LDLRAD4: variants seen among roughly 807,000 people sequenced by gnomAD.
LDLRAD4 encodes low-density lipoprotein receptor class A domain-containing protein 4.
Under a neutral mutation model 17.0 loss-of-function variants are expected in LDLRAD4, and 5 were observed. The ratio of observed to expected loss-of-function variants is 0.29; its 90% CI spans 0.15 to 0.62. The LOEUF is 0.62. Ranked by LOEUF, LDLRAD4 falls within the 20% of genes least tolerant of loss-of-function variation. The pLI, the probability that LDLRAD4 is intolerant of heterozygous loss-of-function variation, is 0.84. For synonymous variants in LDLRAD4, 168 were observed against 171.8 expected, an observed-to-expected ratio of 0.98 and a Z score of 0.17; for missense variants, 340 against 424.7, an observed-to-expected ratio of 0.80 and a Z score of 1.75.
chr18:13,263,424 A>C (rs952588157), intron 1 of LDLRAD4, among the ~76,000 whole-genome samples: 5 of 152,146 alleles, frequency 3.3e-5, no homozygotes, highest in African/African-American at 1.2e-4. Flanking sequence ...CATCTCAGGG[A>C]TCCTCAGGGC....
intron 1 of LDLRAD4, among the ~76,000 whole-genome samples, chr18:13,271,577 G>T (rs2044545619): frequency 6.6e-6 from 1 of 152,198 alleles, no homozygotes; most frequent in Non-Finnish European, 1.5e-5. Flanking sequence ...ATCTGACACA[G>T]GGCCTGGCAT....
intron 2 of LDLRAD4, among the ~76,000 whole-genome samples, chr18:13,391,276 T>C (rs1308358552): frequency 6.6e-6 from 1 of 152,124 alleles, no homozygotes; most frequent in African/African-American, 2.4e-5. Context: ...AATTCCTCTT[T>C]AAGAGGGTTT....
At chr18:13,493,811 G>A (rs1381783381) in intron 3 of LDLRAD4, among the ~76,000 whole-genome samples, 5 of 152,214 alleles carry the variant, frequency 3.3e-5, no homozygotes. Context: ...GGCGGTCAAA[G>A]CCCAGCCGTG....
At chr18:13,389,617 C>T (rs1225652368) in intron 2 of LDLRAD4, among the ~76,000 whole-genome samples, 3 of 152,206 alleles carry the variant, frequency 2.0e-5, no homozygotes, top group Non-Finnish European at 2.9e-5. Context: ...GCTGCCCTGA[C>T]CATGGACCTG....
chr18:13,340,276 G>T (rs192066179), intron 1 of LDLRAD4, among the ~76,000 whole-genome samples: 1 of 152,228 alleles, frequency 6.6e-6, no homozygotes, highest in African/African-American at 2.4e-5. Context: ...TTCTTTTGAG[G>T]ATAGCTCCAG....
chr18:13,460,904 G>C (rs562734325), intron 3 of LDLRAD4: 1 of 152,290 alleles, frequency 6.6e-6, no homozygotes, highest in Non-Finnish European at 1.5e-5. Flanking sequence ...AGCCCACTGG[G>C]GTGTAGTAGG....
chr18:13,513,463 A>C (rs1279578401), intron 3 of LDLRAD4, among the ~76,000 whole-genome samples: 4 of 152,226 alleles, frequency 2.6e-5, no homozygotes, highest in African/African-American at 9.6e-5. Flanking sequence ...AGAAGTTATT[A>C]AATTACATGT....
rs755788736 is a variant in LDLRAD4 at position 13,645,164 on chromosome 18, C to T, written c.428C>T (p.Ala143Val). 9.9e-6 allele frequency: 16 copies of T among 1,613,700 alleles called. No homozygotes were observed. The highest frequency in any genetic ancestry group is 2.2e-5 in the South Asian group (2 of 91,058). The change falls in exon 6 of 6, where the codon GCG becomes GTG. Residue 143 changes from alanine to valine, a missense_variant. Coordinates refer to ENST00000359446, the Ensembl canonical transcript of LDLRAD4. This position sits in a 1 kb window ranked among gnomAD's most constrained non-coding sequence, Gnocchi z 5.7. ...CCGCGGTCCAGGGACAGGTTCACAG[C>T]GCCGTCCTTCATCCAGAGGGATCGC...
intron 2 of LDLRAD4, among the ~76,000 whole-genome samples, chr18:13,388,821 C>T (rs920774622): frequency 2.6e-5 from 4 of 152,232 alleles, no homozygotes; most frequent in African/African-American, 9.6e-5. Flanking sequence ...CAACCTCGGC[C>T]GCTTCCGTGC....
chr18:13,592,268 CA>C (rs2095039349), intron 3 of LDLRAD4, among the ~76,000 whole-genome samples: 2 of 152,172 alleles, frequency 1.3e-5, no homozygotes, highest in African/African-American at 4.8e-5. Context: ...CATCATAACC[CA>C]ATATAAATAC....
chr18:13,349,807 C>T (rs1473622341), intron 1 of LDLRAD4, among the ~76,000 whole-genome samples: 2 of 152,084 alleles, frequency 1.3e-5, no homozygotes, highest in Admixed American at 6.6e-5. Context: ...CAACTGGCCC[C>T]AGTGTGTGTT....
In LDLRAD4 at chr18:13,220,958, C is replaced by T. The variant is rs370056688; in HGVS notation, c.-467+1970C>T. Reference sequence around the variant, plus strand: ...GGGAGGTGACTGCTCTACGTCATCACGTAAAACCAAAGCCACCTCAGGGCC... The same window carrying T: ...GGGAGGTGACTGCTCTACGTCATCATGTAAAACCAAAGCCACCTCAGGGCC... On this transcript the variant is annotated intron_variant, in intron 1 of 5. Coordinates refer to the LDLRAD4 transcript ENST00000399848. Among the ~76,000 whole-genome samples, 24 of 152,286 alleles carry T rather than the reference C, an allele frequency of 1.6e-4. No homozygotes were observed. In the South Asian group the frequency reaches 3.5e-3, roughly 22 times the overall value.
intron 1 of LDLRAD4, among the ~76,000 whole-genome samples, chr18:13,270,603 G>A (rs1049062009): frequency 6.6e-6 from 1 of 152,200 alleles, no homozygotes; most frequent in Non-Finnish European, 1.5e-5. Flanking sequence ...CAAAGTTTAT[G>A]CGTAGATGAT....
chr18:13,554,957 A>G (rs1014603897), intron 3 of LDLRAD4, among the ~76,000 whole-genome samples: 2 of 152,210 alleles, frequency 1.3e-5, no homozygotes, highest in African/African-American at 2.4e-5. Flanking sequence ...TTACAGTGCT[A>G]TAATGTGCCG....
intron 3 of LDLRAD4, among the ~76,000 whole-genome samples, chr18:13,506,907 G>C (rs2093702578): frequency 1.3e-5 from 2 of 152,202 alleles, no homozygotes; most frequent in Admixed American, 1.3e-4. Context: ...TGTGAAGTCT[G>C]CAGTTTCGGC....
At chr18:13,347,016 T>A (rs2082732213) in intron 1 of LDLRAD4, among the ~76,000 whole-genome samples, 1 of 152,252 alleles carries the variant, frequency 6.6e-6, no homozygotes, top group Non-Finnish European at 1.5e-5. Flanking sequence ...GGGTCTTGAC[T>A]TTTTATCCAA....
chr18:13,446,768 C>T (rs917349257), intron 3 of LDLRAD4, among the ~76,000 whole-genome samples: 3 of 152,240 alleles, frequency 2.0e-5, no homozygotes, highest in South Asian at 2.1e-4. Context: ...TCACCTGCTG[C>T]GGGCGCCAAG....
intron 3 of LDLRAD4, among the ~76,000 whole-genome samples, chr18:13,467,350 G>A (rs1197878192): frequency 6.6e-6 from 1 of 152,150 alleles, no homozygotes; most frequent in Non-Finnish European, 1.5e-5. Context: ...CTATACATGT[G>A]CCATGAACAA....
intron 1 of LDLRAD4, among the ~76,000 whole-genome samples, chr18:13,339,906 TA>T (rs1254158649): frequency 6.6e-6 from 1 of 152,192 alleles, no homozygotes; most frequent in African/African-American, 2.4e-5. Context: ...TTCTTTTTTT[TA>T]AACTGAAACT....
Sources: gnomAD v4.1 joint callset for allele counts (sites outside exome capture counted in the v4.1 genomes callset) on GRCh38, gnomAD v4.1.1 for gene constraint, Gnocchi (gnomAD v3.1) non-coding constraint, MANE v1.5 for transcripts, NCBI Gene and HGNC (gene_info 2026-07-23, HGNC 2026-07-21) for gene names.